Variants in ABCC4 observed in about 807,000 individuals in gnomAD.
ABCC4 encodes the protein ATP binding cassette subfamily C member 4 (PEL blood group).
ABCC4 carries 102 observed loss-of-function variants against 168.5 expected under a neutral mutation model. The ratio of observed to expected loss-of-function variants is 0.61; its 90% CI spans 0.52 to 0.71. The LOEUF is 0.71. ABCC4 is among the 30% of genes least tolerant of loss of function. The pLI is 0.00. For missense variants in ABCC4, 1,402 were observed against 1,605.8 expected (o/e 0.87, Z 2.17); for synonymous variants, 617 against 590.7 (o/e 1.04, Z -0.65).
chr13:95,045,462 T>G (rs1026777483), intron 27 of ABCC4, among the ~76,000 whole-genome samples: 2 of 152,196 alleles, frequency 1.3e-5, no homozygotes, highest in Non-Finnish European at 1.5e-5. Flanking sequence ...TAAGCCCCTA[T>G]GGCTATAAAG....
chr13:95,030,975 G>A (rs185377467), intron 30 of ABCC4, among the ~76,000 whole-genome samples: 15 of 152,320 alleles, frequency 9.8e-5, no homozygotes, highest in African/African-American at 3.6e-4. Flanking sequence ...AAGCAACTCC[G>A]TGGTCAAGAA....
At chr13:95,278,155 G>T (rs1026841441) in intron 1 of ABCC4, among the ~76,000 whole-genome samples, 3 of 152,184 alleles carry the variant, frequency 2.0e-5, no homozygotes, top group African/African-American at 7.2e-5. Context: ...AAGTGGAGAT[G>T]CTACCAGGTT....
intron 9 of ABCC4, among the ~76,000 whole-genome samples, chr13:95,190,607 GTT>G (rs948486261): frequency 1.3e-5 from 2 of 152,154 alleles, no homozygotes; most frequent in African/African-American, 4.8e-5. Flanking sequence ...GAGAGGAATG[GTT>G]TTAAATTCAG....
intron 4 of ABCC4, among the ~76,000 whole-genome samples, chr13:95,224,187 GA>G (rs955909595): frequency 1.3e-5 from 1 of 75,956 alleles, no homozygotes. Context: ...GTATCAAAGA[GA>G]AAAAAAAATC....
intron 1 of ABCC4, among the ~76,000 whole-genome samples, chr13:95,261,745 T>TA (rs1426629679): frequency 6.6e-6 from 1 of 152,062 alleles, no homozygotes; most frequent in Non-Finnish European, 1.5e-5. Context: ...ACAATACCAA[T>TA]AAACAGTCAA....
intron 1 of ABCC4, among the ~76,000 whole-genome samples, chr13:95,288,742 G>A (rs1389142866): frequency 6.6e-6 from 1 of 151,980 alleles, no homozygotes; most frequent in Non-Finnish European, 1.5e-5. Context: ...GAAGGTGGAG[G>A]TTGCTCAAGA....
chr13:95,201,900 G>A (rs1221710656), intron 8 of ABCC4, among the ~76,000 whole-genome samples: 1 of 152,160 alleles, frequency 6.6e-6, no homozygotes, highest in South Asian at 2.1e-4. Flanking sequence ...TTGAACCCGG[G>A]AAGTAGAGGT....
chr13:95,301,098 C>A (rs2041667191), intron 1 of ABCC4, 143 bp downstream of exon 1: 1 of 737,364 alleles, frequency 1.4e-6, no homozygotes, highest in Non-Finnish European at 2.0e-6. Flanking sequence ...GCAGAAAGCC[C>A]CGGCGTGGAC....
intron 5 of ABCC4, among the ~76,000 whole-genome samples, chr13:95,210,200 C>A (rs148981363): frequency 6.6e-6 from 1 of 152,152 alleles, no homozygotes; most frequent in Non-Finnish European, 1.5e-5. Context: ...GGATACTGGG[C>A]GGGTATGGTG....
chr13:95,277,072 CT>C (rs2040990642), intron 1 of ABCC4, among the ~76,000 whole-genome samples: 1 of 151,982 alleles, frequency 6.6e-6, no homozygotes, highest in Non-Finnish European at 1.5e-5. Flanking sequence ...CCACAACTCA[CT>C]TTTTTTTCTA....
At chr13:95,103,297 C>G (rs962712426) in intron 20 of ABCC4, among the ~76,000 whole-genome samples, 1 of 152,100 alleles carries the variant, frequency 6.6e-6, no homozygotes, top group African/African-American at 2.4e-5. Flanking sequence ...AAAACAAAAC[C>G]TGAAGCTTTT....
At chr13:95,190,495 T>C (rs2038219792) in intron 9 of ABCC4, among the ~76,000 whole-genome samples, 1 of 152,194 alleles carries the variant, frequency 6.6e-6, no homozygotes, top group Non-Finnish European at 1.5e-5. Context: ...TACCAGAGCA[T>C]GATAAACCAA....
chr13:95,283,714 T>C (rs2041187755), intron 1 of ABCC4, among the ~76,000 whole-genome samples: 1 of 151,640 alleles, frequency 6.6e-6, no homozygotes, highest in African/African-American at 2.4e-5. Flanking sequence ...GGTCAGGAGT[T>C]CAAGACCAGC....
At chr13:95,232,805 C>A (rs965490170) in intron 4 of ABCC4, among the ~76,000 whole-genome samples, 22 of 152,136 alleles carry the variant, frequency 1.4e-4, no homozygotes, top group African/African-American at 5.1e-4. Context: ...AGCAAAGCAA[C>A]CAGAAATCCC....
intron 18 of ABCC4, 78 bp from the exon 19 acceptor site, chr13:95,161,413 A>G: frequency 8.4e-7 from 1 of 1,190,838 alleles, no homozygotes; most frequent in Non-Finnish European, 1.1e-6. Flanking sequence ...CAAGCCAGGT[A>G]GTTTATAAAG....
At chr13:95,190,812 C>T (rs1368784633) in intron 9 of ABCC4, among the ~76,000 whole-genome samples, 1 of 152,174 alleles carries the variant, frequency 6.6e-6, no homozygotes, top group African/African-American at 2.4e-5. Context: ...ATTGGAGAGA[C>T]TTGACCATGC....
intron 8 of ABCC4, among the ~76,000 whole-genome samples, chr13:95,203,880 G>T (rs61965929): frequency 0.087 from 13,224 of 152,162 alleles, 592 homozygotes; most frequent in East Asian, 0.094. Context: ...CTGCTTCCTC[G>T]CTCGGCCTTC....
intron 25 of ABCC4, among the ~76,000 whole-genome samples, chr13:95,069,175 C>T (rs1440568181): frequency 6.6e-6 from 1 of 152,206 alleles, no homozygotes; most frequent in African/African-American, 2.4e-5. Context: ...CTAACACTGA[C>T]ACCCAGAGAA....
At chr13:95,208,992 G>A (rs189399381) in intron 6 of ABCC4, among the ~76,000 whole-genome samples, 203 of 152,190 alleles carry the variant, frequency 1.3e-3, no homozygotes, top group Non-Finnish European at 1.9e-3. Context: ...AATTCACCTT[G>A]CCTTTGGGGA....
Sources: allele counts gnomAD v4.1 joint callset (sites outside exome capture counted in the v4.1 genomes callset), GRCh38; gene constraint gnomAD v4.1.1; transcripts MANE v1.5; gene names NCBI Gene and HGNC (gene_info 2026-07-23, HGNC 2026-07-21).